The following FAM13A variants were observed in gnomAD, a reference collection of about 807,000 sequenced individuals.
The protein encoded by FAM13A is family with sequence similarity 13 member A.
FAM13A carries 76 observed loss-of-function variants against 129.6 expected under a neutral mutation model. The ratio of observed to expected loss-of-function variants is 0.59; its 90% CI spans 0.49 to 0.71. The LOEUF (loss-of-function observed/expected upper bound fraction) is 0.71. Among genes scored for constraint, FAM13A ranks in the 30% least tolerant of loss-of-function variants. FAM13A has a pLI of 0.00. For synonymous variants in FAM13A, 443 were observed against 449.9 expected, an observed-to-expected ratio of 0.98 and a Z score of 0.20; for missense variants, 1,108 against 1,249.3, an observed-to-expected ratio of 0.89 and a Z score of 1.70.
At chr4:88,874,528 C>A (rs1046712280) in intron 6 of FAM13A, among the ~76,000 whole-genome samples, 1 of 152,124 alleles carries the variant, frequency 6.6e-6, no homozygotes, top group African/African-American at 2.4e-5. Context: ...CATGAGTGAA[C>A]TCCCATTCAC....
chr4:89,041,719 G>A (rs1024670950), intron 1 of FAM13A, among the ~76,000 whole-genome samples: 2 of 152,012 alleles, frequency 1.3e-5, no homozygotes, highest in African/African-American at 2.4e-5. Flanking sequence ...CCAGGAGTTC[G>A]AGACCAGCCT....
chr4:88,907,170 T>C (rs1748308703), intron 5 of FAM13A, among the ~76,000 whole-genome samples: 1 of 152,088 alleles, frequency 6.6e-6, no homozygotes, highest in African/African-American at 2.4e-5. Context: ...CACTTCCGAA[T>C]AGCCATTAAC....
chr4:89,016,868 C>T (rs1412251994), intron 3 of FAM13A, among the ~76,000 whole-genome samples: 2 of 152,296 alleles, frequency 1.3e-5, no homozygotes, highest in South Asian at 4.1e-4. Context: ...CTCCTGGGCT[C>T]CAGCAATCTG....
chr4:88,771,740 A>G (rs1720716112), intron 11 of FAM13A, among the ~76,000 whole-genome samples: 1 of 152,184 alleles, frequency 6.6e-6, no homozygotes, highest in South Asian at 2.1e-4. Flanking sequence ...ATTATTTCCA[A>G]CCAGATAAAG....
At chr4:88,984,042 A>G (rs931913776) in intron 4 of FAM13A, among the ~76,000 whole-genome samples, 1 of 152,188 alleles carries the variant, frequency 6.6e-6, no homozygotes, top group South Asian at 2.1e-4. Flanking sequence ...TGCTGAGATA[A>G]TTCAATGGGG....
At chr4:88,767,851 T>A (rs546545299) in intron 12 of FAM13A, 132 bp downstream of exon 12, 122 of 650,256 alleles carry the variant, frequency 1.9e-4, no homozygotes, top group African/African-American at 1.8e-3. Flanking sequence ...TTTTCCTTGC[T>A]ATAAAATATT....
At position 88,974,644 on chromosome 4, in the gene FAM13A, T is replaced by C. The variant is rs150895120; in HGVS notation, c.605+16329A>G. On this transcript the variant is annotated intron_variant, in intron 4 of 23. Transcript: ENST00000264344. ...GGCACCCGCCACCATGACCGGCTAA[T>C]TTTATATTTTAAACATAATGCAGTG... Among the ~76,000 whole-genome samples, 779 of 152,202 alleles carry C rather than the reference T, an allele frequency of 5.1e-3. 13 individuals carry two copies. Among genetic ancestry groups the C allele is most frequent in the African/African-American group, 0.017 (708 of 41,504 alleles).
chr4:88,783,197 T>C (rs1362110101), intron 10 of FAM13A, among the ~76,000 whole-genome samples: 1 of 152,204 alleles, frequency 6.6e-6, no homozygotes, highest in Non-Finnish European at 1.5e-5. Flanking sequence ...AATCACCCTG[T>C]TGTCCTAACA....
At chr4:88,785,656 AAGATAAGGGG>A (rs1469861616) in intron 10 of FAM13A, among the ~76,000 whole-genome samples, 1 of 152,182 alleles carries the variant, frequency 6.6e-6, no homozygotes, top group Admixed American at 6.5e-5. Context: ...ACCCAGCATG[AAGATAAGGGG>A]AGAGGGGTTG....
Position 88,807,003 on chromosome 4 carries a change from C to T in FAM13A, c.1008-1951G>A, listed in dbSNP as rs1728688436. Among the ~76,000 whole-genome samples the T allele has an allele frequency of 3.3e-5, 5 of 152,208 alleles. No homozygotes were observed. In the Middle Eastern group the frequency reaches 0.014, roughly 414 times the overall value. ...CATGCCAAACAAACAAAAAAACCTG[C>T]CACTAAAAACCTATAATGATTTTGT... On this transcript the variant is annotated intron_variant, in intron 7 of 23. Coordinates refer to ENST00000264344, the MANE Select transcript of FAM13A (RefSeq NM_014883.4).
At chr4:88,859,009 G>A (rs966396488) in intron 6 of FAM13A, among the ~76,000 whole-genome samples, 2 of 152,172 alleles carry the variant, frequency 1.3e-5, no homozygotes, top group Admixed American at 6.5e-5. Flanking sequence ...GTTTCATTTT[G>A]TAGTAGGGAT....
chr4:88,821,303 G>A (rs1282169079), intron 7 of FAM13A, among the ~76,000 whole-genome samples: 6 of 152,106 alleles, frequency 3.9e-5, no homozygotes, highest in African/African-American at 7.2e-5. Flanking sequence ...TAAACATTGC[G>A]GCAGTGAATG....
chr4:89,049,044 C>A (rs1771219859), intron 1 of FAM13A, among the ~76,000 whole-genome samples: 1 of 152,162 alleles, frequency 6.6e-6, no homozygotes, highest in East Asian at 1.9e-4. Flanking sequence ...CATCATTTCT[C>A]AACACATTTA....
chr4:88,982,597 T>C (rs1233006678), intron 4 of FAM13A, among the ~76,000 whole-genome samples: 3 of 152,214 alleles, frequency 2.0e-5, no homozygotes, highest in African/African-American at 4.8e-5. Context: ...CTTCCTTTTA[T>C]ACGTCATGCT....
intron 6 of FAM13A, among the ~76,000 whole-genome samples, chr4:88,853,779 C>T (rs1368174600): frequency 6.6e-6 from 1 of 152,138 alleles, no homozygotes; most frequent in Non-Finnish European, 1.5e-5. Flanking sequence ...CAGTCTAGGT[C>T]GACACCATCT....
chr4:88,775,138 C>A (rs1350003080), intron 11 of FAM13A, among the ~76,000 whole-genome samples: 2 of 152,078 alleles, frequency 1.3e-5, no homozygotes, highest in Non-Finnish European at 2.9e-5. Flanking sequence ...AAGGATACAA[C>A]AAAGAAGAAA....
intron 8 of FAM13A, among the ~76,000 whole-genome samples, chr4:88,791,471 C>T (rs539995988): frequency 6.6e-6 from 1 of 152,182 alleles, no homozygotes; most frequent in Non-Finnish European, 1.5e-5. Flanking sequence ...TGTATTAACA[C>T]ATTACATTCT....
intron 4 of FAM13A, among the ~76,000 whole-genome samples, chr4:88,948,343 A>G (rs1454724586): frequency 2.6e-5 from 4 of 152,172 alleles, no homozygotes; most frequent in Non-Finnish European, 4.4e-5. Context: ...GATCTTATGA[A>G]GATCAAATTC....
intron 4 of FAM13A, among the ~76,000 whole-genome samples, chr4:88,947,364 G>A (rs1265460484): frequency 1.3e-5 from 2 of 152,088 alleles, no homozygotes; most frequent in East Asian, 1.9e-4. Context: ...AGCTATGATC[G>A]CGCCACTGCA....
Sources: gnomAD v4.1 joint callset for allele counts (sites outside exome capture counted in the v4.1 genomes callset) on GRCh38, gnomAD v4.1.1 for gene constraint, MANE v1.5 for transcripts, NCBI Gene and HGNC (gene_info 2026-07-23, HGNC 2026-07-21) for gene names.